CX3CR1: variants seen among roughly 807,000 people sequenced by gnomAD.
The protein encoded by CX3CR1 is CX3C chemokine receptor 1.
For missense variants in CX3CR1, 363 were observed against 432.4 expected (o/e 0.84, Z 1.42); for synonymous variants, 168 against 178.5 (o/e 0.94, Z 0.47).
chr3:39,286,627 C>T (rs983221000), upstream of CX3CR1: 1 of 132,346 alleles, frequency 7.6e-6, no homozygotes, highest in Non-Finnish European at 1.5e-5. Context: ...GTCCGCAGTC[C>T]GGCCTGGGCG....
rs56334645 is a variant in CX3CR1, at chr3:39,276,611, C to G, written c.-10+3343G>C. ...CGTAGGATTCCACTGTGTGACTAGT[C>G]CATGATTTATTGCCATTTCTACTGC... On this transcript the variant is annotated intron_variant, in intron 1 of 1. Coordinates refer to ENST00000399220, the MANE Select transcript of CX3CR1 (RefSeq NM_001337.4). Among the ~76,000 whole-genome samples the G allele has an allele frequency of 3.6e-3, 548 of 152,298 alleles. 4 individuals are homozygous for G. The highest frequency in any genetic ancestry group is 0.012 in the African/African-American group (518 of 41,550).
intron 1 of CX3CR1, among the ~76,000 whole-genome samples, chr3:39,273,068 C>A (rs1383935994): frequency 6.6e-6 from 1 of 152,272 alleles, no homozygotes; most frequent in Non-Finnish European, 1.5e-5. Context: ...TCCACAAAGC[C>A]TGTGCTCCTT....
intron 1 of CX3CR1, among the ~76,000 whole-genome samples, chr3:39,271,493 A>G (rs1190921858): frequency 6.6e-6 from 1 of 152,260 alleles, no homozygotes; most frequent in Non-Finnish European, 1.5e-5. Flanking sequence ...CAGTCAGAAG[A>G]CAACTTGGCA....
the CX3CR1 span, among the ~76,000 whole-genome samples, chr3:39,289,061 G>A: frequency 6.6e-6 from 1 of 152,186 alleles, no homozygotes; most frequent in Non-Finnish European, 1.5e-5. Flanking sequence ...GGCTGAGGCA[G>A]GAGAATCACT....
At chr3:39,281,410 T>C (rs2040897807), upstream of CX3CR1, 1 of 713,202 alleles carries the variant, frequency 1.4e-6, no homozygotes. Context: ...CCCCTCCTCT[T>C]CTGAGGGCTC....
Position 39,265,904 on chromosome 3 carries a change from G to A in CX3CR1, c.606C>T (p.Leu202=), listed in dbSNP as rs1310189755. The change falls in exon 2 of 2, where the codon CTC becomes CTT. Residue 202 remains leucine (L), a synonymous_variant. Coordinates refer to ENST00000399220, the MANE Select transcript of CX3CR1 (RefSeq NM_001337.4). ...NVETNFLGFL[L]PLLIMSYCYF... Reference sequence around the variant, plus strand: ...AGCAATAACTCATAATGAGCAGGGGGAGTAGGAAGCCAAGAAAATTTGTTT... The same window carrying A: ...AGCAATAACTCATAATGAGCAGGGGAAGTAGGAAGCCAAGAAAATTTGTTT... 5 of 1,614,102 alleles carry A rather than the reference G, an allele frequency of 3.1e-6. No individual in the cohort carries two copies. The highest frequency in any genetic ancestry group is 3.3e-5 in the Admixed American group (2 of 60,014).
At chr3:39,286,766 G>C in the CX3CR1 span, 1 of 151,836 alleles carries the variant, frequency 6.6e-6, no homozygotes, top group Non-Finnish European at 1.5e-5. Flanking sequence ...TCTCTCAGTT[G>C]GACAAACTTG....
At chr3:39,279,910 G>T (rs2040877152) in intron 1 of CX3CR1, 44 bp downstream of exon 1, 2 of 905,570 alleles carry the variant, frequency 2.2e-6, no homozygotes, top group Non-Finnish European at 2.6e-6. Context: ...GCTGTCCACT[G>T]CTCCACCCCA....
upstream of CX3CR1, among the ~76,000 whole-genome samples, chr3:39,284,308 C>G (rs1056219148): frequency 1.3e-5 from 2 of 152,082 alleles, no homozygotes; most frequent in East Asian, 1.9e-4. Context: ...ATTACAGGAG[C>G]CTGCTACCAC....
intron 1 of CX3CR1, among the ~76,000 whole-genome samples, chr3:39,275,199 G>A (rs1426455043): frequency 2.0e-5 from 3 of 152,126 alleles, no homozygotes; most frequent in African/African-American, 7.2e-5. Context: ...CTTTGAACAT[G>A]TGTAAATCCT....
chr3:39,292,191 C>T, the CX3CR1 span, among the ~76,000 whole-genome samples: 1 of 152,198 alleles, frequency 6.6e-6, no homozygotes, highest in Non-Finnish European at 1.5e-5. Context: ...TGACCCTCAG[C>T]CCGGCAGCCT....
the CX3CR1 span, among the ~76,000 whole-genome samples, chr3:39,288,645 A>G: frequency 1.3e-5 from 2 of 152,184 alleles, no homozygotes; most frequent in South Asian, 4.1e-4. Context: ...GGTTTTACTC[A>G]AAACACTTGG....
chr3:39,269,902 T>G (rs1219382236), intron 1 of CX3CR1, among the ~76,000 whole-genome samples: 1 of 152,260 alleles, frequency 6.6e-6, no homozygotes, highest in East Asian at 1.9e-4. Flanking sequence ...TATCGCTTTC[T>G]ATGAGTTCCC....
chr3:39,276,127 G>A (rs2040837823), intron 1 of CX3CR1, among the ~76,000 whole-genome samples: 1 of 152,184 alleles, frequency 6.6e-6, no homozygotes, highest in Non-Finnish European at 1.5e-5. Flanking sequence ...GTGGAGTTGG[G>A]AGGAGCCCAC....
chr3:39,278,684 T>A (rs1271896674), intron 1 of CX3CR1, among the ~76,000 whole-genome samples: 4 of 138,748 alleles, frequency 2.9e-5, no homozygotes, highest in Non-Finnish European at 6.2e-5. Flanking sequence ...GTGGAGTGGG[T>A]GTTGAAAGAA....
chr3:39,278,655 C>CTTT (rs55908068), intron 1 of CX3CR1, among the ~76,000 whole-genome samples: 78 of 103,660 alleles, frequency 7.5e-4, no homozygotes, highest in African/African-American at 1.0e-3. Flanking sequence ...TTTTTCTTTT[C>CTTT]TTTTTTTTTT....
Position 39,263,950 on chromosome 3 carries a change from A to G in CX3CR1, c.*1492T>C, listed in dbSNP as rs1261244408. Reference sequence around the variant, plus strand: ...TTGTTTTCGAGCTTTAAACTTTTAGATTGTTCCAAACGTTTCTAGGGGGGA... The same window carrying G: ...TTGTTTTCGAGCTTTAAACTTTTAGGTTGTTCCAAACGTTTCTAGGGGGGA... On this transcript the variant is annotated 3_prime_UTR_variant, in exon 2 of 2. Transcript: ENST00000399220. 1 of 152,112 alleles carries G rather than the reference A, an allele frequency of 6.6e-6. No individual in the cohort carries two copies. Among genetic ancestry groups the G allele is most frequent in the Non-Finnish European group, 1.5e-5 (1 of 68,016 alleles). 9.4% of individuals were successfully genotyped at this position (152,112 alleles called of 1,614,324 possible).
upstream of CX3CR1, among the ~76,000 whole-genome samples, chr3:39,280,774 G>A (rs1242065267): frequency 6.6e-6 from 1 of 152,182 alleles, no homozygotes; most frequent in East Asian, 1.9e-4. Context: ...AGCCTGGTGG[G>A]CTCCGGCATC....
At chr3:39,287,123 C>G in the CX3CR1 span, 1 of 152,160 alleles carries the variant, frequency 6.6e-6, no homozygotes, top group Non-Finnish European at 1.5e-5. Flanking sequence ...ATAACAACAA[C>G]AAAATGGCTG....
Sources: allele counts gnomAD v4.1 joint callset (sites outside exome capture counted in the v4.1 genomes callset), GRCh38; gene constraint gnomAD v4.1.1; transcripts MANE v1.5; gene names NCBI Gene and HGNC (gene_info 2026-07-23, HGNC 2026-07-21).